Variants in DPY19L2 observed in about 807,000 individuals in gnomAD.
The protein encoded by DPY19L2 is probable C-mannosyltransferase DPY19L2.
A neutral mutation model predicts 97.9 loss-of-function variants in DPY19L2; 34 were observed. That is an observed-to-expected ratio of 0.35 (90% CI 0.26 to 0.46). DPY19L2 has a LOEUF of 0.46. Among genes scored for constraint, DPY19L2 ranks in the 20% least tolerant of loss-of-function variants. DPY19L2 has a pLI of 1.00. For missense variants in DPY19L2, 623 were observed against 911.4 expected (o/e 0.68, Z 4.07); for synonymous variants, 230 against 307.9 (o/e 0.75, Z 2.65).
At chr12:63,659,414 A>G (rs1267176057) in intron 4 of DPY19L2, among the ~76,000 whole-genome samples, 2 of 152,130 alleles carry the variant, frequency 1.3e-5, no homozygotes, top group Non-Finnish European at 2.9e-5. Flanking sequence ...AATATTGTTA[A>G]GATGTCAATT....
chr12:63,645,114 A>C (rs1486607075), intron 5 of DPY19L2, among the ~76,000 whole-genome samples: 5 of 151,994 alleles, frequency 3.3e-5, no homozygotes, highest in Admixed American at 3.3e-4. Flanking sequence ...GGCAATATGT[A>C]CTTAACAATC....
chr12:63,629,764 T>G (rs1429426999), intron 6 of DPY19L2, among the ~76,000 whole-genome samples: 5 of 152,036 alleles, frequency 3.3e-5, no homozygotes. Context: ...CACATAATTG[T>G]CAGGTTCACC....
chr12:63,605,779 A>T (rs1885937710), intron 12 of DPY19L2, among the ~76,000 whole-genome samples: 1 of 152,198 alleles, frequency 6.6e-6, no homozygotes, highest in African/African-American at 2.4e-5. Context: ...CTAGGCCTGG[A>T]ACTGATATTT....
rs544856980 is a variant in DPY19L2 at position 63,655,970 on chromosome 12, T to C, written c.588+5374A>G. Among the ~76,000 whole-genome samples the C allele has an allele frequency of 1.1e-4, 16 of 152,350 alleles. 1 individual carries two copies. Among genetic ancestry groups the C allele is most frequent in the South Asian group, 8.3e-4 (4 of 4,826 alleles). On this transcript the variant is annotated intron_variant, in intron 4 of 21. Transcript: ENST00000324472. ...TTCTTTACCATTGTGTCTAGTGGCA[T>C]GACCCATGTAATTAAATGCTTGTTT...
chr12:63,634,083 G>T lies in DPY19L2; in HGVS notation c.804-7557C>A, dbSNP rs191516912. Among the ~76,000 whole-genome samples the T allele has an allele frequency of 1.5e-3, 216 of 146,618 alleles. 1 individual carries two copies. Among genetic ancestry groups the T allele is most frequent in the Non-Finnish European group, 2.8e-3 (186 of 66,680 alleles). ...TATTGTAGGGTGCGGGGAAGGGGGAGGGATAGCATTTGGAGATATACCTAA... is the reference window on the plus strand; with the variant it reads ...TATTGTAGGGTGCGGGGAAGGGGGATGGATAGCATTTGGAGATATACCTAA... On this transcript the variant is annotated intron_variant, in intron 6 of 21. Coordinates refer to ENST00000324472, the MANE Select transcript of DPY19L2 (RefSeq NM_173812.5).
At chr12:63,574,857 T>G (rs966916275) in intron 19 of DPY19L2, among the ~76,000 whole-genome samples, 2 of 152,016 alleles carry the variant, frequency 1.3e-5, no homozygotes, top group Non-Finnish European at 2.9e-5. Flanking sequence ...TATACAATAA[T>G]AGCCTGAGAC....
At chr12:63,645,227 TTA>T (rs1893250646) in intron 5 of DPY19L2, among the ~76,000 whole-genome samples, 1 of 152,140 alleles carries the variant, frequency 6.6e-6, no homozygotes, top group Non-Finnish European at 1.5e-5. Flanking sequence ...TTGTCAAAGG[TTA>T]TTTCACTTTA....
At chr12:63,667,026 C>T (rs1412367263) in intron 1 of DPY19L2, among the ~76,000 whole-genome samples, 1 of 152,060 alleles carries the variant, frequency 6.6e-6, no homozygotes, top group African/African-American at 2.4e-5. Flanking sequence ...ACTAACTGTC[C>T]TGGGCTTATC....
At chr12:63,612,233 T>A (rs1247711357) in intron 11 of DPY19L2, among the ~76,000 whole-genome samples, 1 of 152,016 alleles carries the variant, frequency 6.6e-6, no homozygotes, top group African/African-American at 2.4e-5. Context: ...ACCAGGTGAT[T>A]TGCACTAAAG....
At chr12:63,663,936 A>C in intron 2 of DPY19L2, 91 bp from the exon 3 acceptor site, 2 of 828,016 alleles carry the variant, frequency 2.4e-6, no homozygotes, top group South Asian at 3.5e-5. Context: ...AAAAGAAAAC[A>C]ATAAATTGTT....
chr12:63,586,361 T>C (rs1445200711), intron 16 of DPY19L2, among the ~76,000 whole-genome samples: 2 of 152,154 alleles, frequency 1.3e-5, no homozygotes, highest in Admixed American at 1.3e-4. Context: ...TGAAGTCAAG[T>C]CCAAAGATTG....
At position 63,648,366 on chromosome 12, in the gene DPY19L2, G is replaced by A. The variant is rs188413719; in HGVS notation, c.589-1001C>T. ...CCAAAAAGTCAAAAGTAAAAAAAAT[G>A]TGGCTCTACCCATACCGTATAAACA... On this transcript the variant is annotated intron_variant, in intron 4 of 21. Coordinates refer to ENST00000324472, the MANE Select transcript of DPY19L2 (RefSeq NM_173812.5). Among the ~76,000 whole-genome samples, 56 of 151,028 alleles carry A rather than the reference G, an allele frequency of 3.7e-4. 1 individual carries two copies. The highest frequency in any genetic ancestry group is 1.2e-3 in the African/African-American group (51 of 41,250).
Position 63,580,793 on chromosome 12 carries a change from A to G in DPY19L2, c.1769T>C (p.Ile590Thr), listed in dbSNP as rs750291381. Residue 590 changes from isoleucine to threonine, a missense_variant, in exon 19 of 22, where the codon ATC (isoleucine) becomes ACC (threonine). By Grantham distance (89) the Ile-to-Thr change is moderately conservative. Transcript: ENST00000324472. ...LFRRVRFEKV[I>T]FGILTVMSIQ... ...TGACATCACTGTTAAAATGCCAAAG[A>G]TAACCTTCTCAAAACGAACTCTGCG... is the stretch of plus-strand genomic sequence containing the variant. 8 of 1,613,314 alleles carry G rather than the reference A, an allele frequency of 5.0e-6. No homozygotes were observed. Among genetic ancestry groups the G allele is most frequent in the Non-Finnish European group, 5.9e-6 (7 of 1,179,636 alleles).
intron 11 of DPY19L2, among the ~76,000 whole-genome samples, chr12:63,611,066 AC>A (rs1331192229): frequency 6.6e-6 from 1 of 151,912 alleles, no homozygotes; most frequent in Non-Finnish European, 1.5e-5. Context: ...ATAAAACAAA[AC>A]AAACCAAAAC....
chr12:63,635,296 A>T (rs1891451507), intron 6 of DPY19L2, among the ~76,000 whole-genome samples: 1 of 152,134 alleles, frequency 6.6e-6, no homozygotes. Flanking sequence ...ACCATCATCA[A>T]AGACCAAAGG....
At chr12:63,613,307 T>C (rs1329958966) in intron 11 of DPY19L2, among the ~76,000 whole-genome samples, 1 of 152,092 alleles carries the variant, frequency 6.6e-6, no homozygotes, top group African/African-American at 2.4e-5. Flanking sequence ...CAAAGTGAGG[T>C]CTATTCAAGG....
intron 12 of DPY19L2, among the ~76,000 whole-genome samples, chr12:63,607,030 T>A (rs1275657343): frequency 6.6e-6 from 1 of 152,144 alleles, no homozygotes; most frequent in Non-Finnish European, 1.5e-5. Context: ...CAGAAAATAA[T>A]ACCTAGGGAG....
intron 4 of DPY19L2, among the ~76,000 whole-genome samples, chr12:63,654,711 A>G (rs1316117809): frequency 6.6e-6 from 1 of 152,162 alleles, no homozygotes; most frequent in Non-Finnish European, 1.5e-5. Flanking sequence ...AGCACACTTC[A>G]GAGCAAGCAA....
chr12:63,633,648 C>G (rs994442519), intron 6 of DPY19L2, among the ~76,000 whole-genome samples: 12 of 152,282 alleles, frequency 7.9e-5, no homozygotes, highest in African/African-American at 2.9e-4. Flanking sequence ...TTGTGGAAGT[C>G]AGAGTGGTGA....
Sources: gnomAD v4.1 joint callset for allele counts (sites outside exome capture counted in the v4.1 genomes callset) on GRCh38, gnomAD v4.1.1 for gene constraint, MANE v1.5 for transcripts, NCBI Gene and HGNC (gene_info 2026-07-23, HGNC 2026-07-21) for gene names.